The following NNT variants were observed in gnomAD, a reference collection of about 807,000 sequenced individuals.
NNT encodes the protein nicotinamide nucleotide transhydrogenase.
NNT carries 50 observed loss-of-function variants against 104.8 expected under a neutral mutation model. The observed-to-expected ratio is 0.48, with a 90% CI of 0.38 to 0.60. The LOEUF (loss-of-function observed/expected upper bound fraction) is 0.60. Among genes scored for constraint, NNT ranks in the 20% least tolerant of loss-of-function variants. The pLI, the probability that NNT is intolerant of heterozygous loss-of-function variation, is 0.00. For missense variants in NNT, 1,131 were observed against 1,330.7 expected (o/e 0.85, Z 2.33); for synonymous variants, 461 against 490.4 (o/e 0.94, Z 0.79).
intron 4 of NNT, among the ~76,000 whole-genome samples, chr5:43,617,233 G>A (rs1200360147): frequency 2.0e-5 from 3 of 152,224 alleles, no homozygotes; most frequent in Non-Finnish European, 4.4e-5. Context: ...ATCAAAACCA[G>A]TCGCTCTAGA....
At chr5:43,637,698 A>G (rs1751007497) in intron 7 of NNT, among the ~76,000 whole-genome samples, 1 of 152,194 alleles carries the variant, frequency 6.6e-6, no homozygotes, top group Non-Finnish European at 1.5e-5. Flanking sequence ...GAGGTAGTCC[A>G]GTGCTGATGG....
At chr5:43,640,006 G>A (rs1480425609) in intron 7 of NNT, among the ~76,000 whole-genome samples, 1 of 151,642 alleles carries the variant, frequency 6.6e-6, no homozygotes, top group Non-Finnish European at 1.5e-5. Context: ...AAAATTAATA[G>A]AAAAGTTAAA....
intron 20 of NNT, among the ~76,000 whole-genome samples, chr5:43,701,837 C>A (rs189917420): frequency 6.6e-6 from 1 of 151,986 alleles, no homozygotes; most frequent in Non-Finnish European, 1.5e-5. Context: ...TTAGTGATGT[C>A]GAACATTTCT....
At chr5:43,644,377 T>C (rs768967444) in intron 8 of NNT, 52 bp downstream of exon 8, 2 of 1,570,554 alleles carry the variant, frequency 1.3e-6, no homozygotes, top group East Asian at 4.5e-5. Context: ...TCTTGAGTTA[T>C]GGGGGGGTGT....
At chr5:43,702,397 A>G (rs1015293758) in intron 20 of NNT, among the ~76,000 whole-genome samples, 1 of 152,210 alleles carries the variant, frequency 6.6e-6, no homozygotes, top group African/African-American at 2.4e-5. Context: ...GCTGTAGTCA[A>G]GATAGTCAAG....
intron 6 of NNT, 61 bp downstream of exon 6, chr5:43,624,181 T>C (rs1448957881): frequency 2.1e-6 from 3 of 1,428,962 alleles, no homozygotes; most frequent in Non-Finnish European, 3.0e-6. Flanking sequence ...GGGCATATTA[T>C]GATTGCCTTA....
intron 5 of NNT, among the ~76,000 whole-genome samples, chr5:43,621,899 T>A (rs755407627): frequency 8.5e-5 from 13 of 152,198 alleles, no homozygotes; most frequent in Non-Finnish European, 1.8e-4. Flanking sequence ...AAATAAAGAA[T>A]ACCATTGGTC....
rs530313807 is a variant in NNT, at chr5:43,652,257, C to T, written c.1863+373C>T. On this transcript the variant is annotated intron_variant, in intron 13 of 21. Coordinates refer to ENST00000344920, the MANE Select transcript of NNT (RefSeq NM_182977.3). The stretch of plus-strand genomic sequence containing the variant: ...AAATTATTATTAAGTACTATTAGTT[C>T]TTTTCCTATTCTTCCTCTACAAATC... Among the ~76,000 whole-genome samples the T allele has an allele frequency of 8.9e-4, 135 of 152,234 alleles. No homozygotes were observed. In the Middle Eastern group the frequency reaches 0.014, roughly 15 times the overall value.
chr5:43,689,494 C>T (rs10066806), intron 19 of NNT, among the ~76,000 whole-genome samples: 11,941 of 152,130 alleles, frequency 0.078, 669 homozygotes, highest in East Asian at 0.2. Flanking sequence ...GGGTTTTTCT[C>T]ATATTATCTT....
At chr5:43,603,607 G>A (rs1749046591) in intron 1 of NNT, among the ~76,000 whole-genome samples, 2 of 152,138 alleles carry the variant, frequency 1.3e-5, no homozygotes, top group Admixed American at 6.5e-5. Flanking sequence ...GGAATGAGGC[G>A]GCAGCTGTGC....
At position 43,649,145 on chromosome 5, in the gene NNT, A is replaced by G; in HGVS notation, c.1445-2A>G. ...AACACACTCTTTACTCTCTTTCTCT[A>G]GGTCTCACAGGGATACTGGGTTTGG... is the stretch of plus-strand genomic sequence containing the variant. On this transcript the variant is annotated splice_acceptor_variant, in intron 10 of 21. Transcript: ENST00000344920. LOFTEE classifies it high-confidence loss of function. 2 of 1,614,034 alleles carry G rather than the reference A, an allele frequency of 1.2e-6. No homozygotes were observed. Among genetic ancestry groups the G allele is most frequent in the Non-Finnish European group, 1.7e-6 (2 of 1,179,950 alleles).
intron 17 of NNT, among the ~76,000 whole-genome samples, chr5:43,672,041 C>T (rs1450031660): frequency 6.6e-6 from 1 of 152,206 alleles, no homozygotes; most frequent in Non-Finnish European, 1.5e-5. Context: ...ATTCGATCTT[C>T]AATCACTGAT....
rs1579966323 is a variant in NNT at position 43,609,150 on chromosome 5, C to T, written c.-46C>T. 1.3e-6 allele frequency: 2 copies of T among 1,527,970 alleles called. No homozygotes were observed. The highest frequency in any genetic ancestry group is 1.9e-5 in the Admixed American group (1 of 53,768). The allele number at this position is 1,527,970 out of a possible 1,614,324, so 94.7% of individuals were successfully genotyped here. A position where few individuals can be genotyped will look rare whatever the true frequency, so the allele number is the denominator to read the frequency against. On this transcript the variant is annotated 5_prime_UTR_variant, in exon 2 of 22. Coordinates refer to ENST00000344920, the MANE Select transcript of NNT (RefSeq NM_182977.3). ...TATTTTCTTTTTTCTTAGTGATTTGCCTTCAAGGAAACTGGGGAGTCAGAA... is the reference window on the plus strand; with the variant it reads ...TATTTTCTTTTTTCTTAGTGATTTGTCTTCAAGGAAACTGGGGAGTCAGAA...
chr5:43,608,264 G>A (rs1382498367), intron 1 of NNT, among the ~76,000 whole-genome samples: 1 of 152,166 alleles, frequency 6.6e-6, no homozygotes, highest in Non-Finnish European at 1.5e-5. Flanking sequence ...AGAAAGGTAT[G>A]GAGGATCATT....
intron 17 of NNT, among the ~76,000 whole-genome samples, chr5:43,662,977 T>A (rs975658100): frequency 6.6e-6 from 1 of 151,560 alleles, no homozygotes; most frequent in Non-Finnish European, 1.5e-5. Flanking sequence ...AATAAAAAAA[T>A]AAAATCACCT....
At chr5:43,610,601 C>T (rs1749452451) in intron 2 of NNT, among the ~76,000 whole-genome samples, 1 of 152,140 alleles carries the variant, frequency 6.6e-6, no homozygotes, top group South Asian at 2.1e-4. Context: ...CATTAAGGAC[C>T]TCTAAACTGC....
intron 2 of NNT, 25 bp from the exon 3 acceptor site, chr5:43,612,883 T>TA: frequency 1.7e-6 from 2 of 1,190,396 alleles, no homozygotes. Flanking sequence ...AAATATATAT[T>TA]TTTTTTGCCT....
At chr5:43,670,857 T>G (rs1396332829) in intron 17 of NNT, among the ~76,000 whole-genome samples, 1 of 152,140 alleles carries the variant, frequency 6.6e-6, no homozygotes, top group East Asian at 1.9e-4. Flanking sequence ...TCTGTCTCAT[T>G]GAGCTGTCTA....
At chr5:43,628,168 A>G in intron 6 of NNT, 32 bp from the exon 7 acceptor site, 2 of 1,485,766 alleles carry the variant, frequency 1.3e-6, no homozygotes, top group Non-Finnish European at 1.8e-6. Flanking sequence ...GGCCTGAAAT[A>G]ACTACTCTTT....
Sources: allele counts gnomAD v4.1 joint callset (sites outside exome capture counted in the v4.1 genomes callset), GRCh38; gene constraint gnomAD v4.1.1; transcripts MANE v1.5; gene names NCBI Gene and HGNC (gene_info 2026-07-23, HGNC 2026-07-21).